The following VTCN1 variants were observed in gnomAD, a reference collection of about 807,000 sequenced individuals.
VTCN1 encodes the protein V-set domain containing T cell activation inhibitor 1.
VTCN1 carries 26 observed loss-of-function variants against 26.5 expected under a neutral mutation model. The ratio of observed to expected loss-of-function variants is 0.98; its 90% CI spans 0.72 to 1.36. The LOEUF is 1.36. Among genes scored for constraint, VTCN1 ranks in the 40% most tolerant of loss-of-function variants. The pLI, the probability that VTCN1 is intolerant of heterozygous loss-of-function variation, is 0.00. For synonymous variants in VTCN1, 116 were observed against 130.7 expected, an observed-to-expected ratio of 0.89 and a Z score of 0.77; for missense variants, 298 against 337.7, an observed-to-expected ratio of 0.88 and a Z score of 0.92.
At chr1:117,204,200 T>C (rs186392288) in intron 1 of VTCN1, among the ~76,000 whole-genome samples, 129 of 152,330 alleles carry the variant, frequency 8.5e-4, no homozygotes, top group Middle Eastern at 3.4e-3. Flanking sequence ...AATTAACACA[T>C]AAAGTGCTAA....
intron 1 of VTCN1, among the ~76,000 whole-genome samples, chr1:117,172,678 G>A (rs1179100271): frequency 1.3e-5 from 2 of 152,146 alleles, no homozygotes; most frequent in Non-Finnish European, 2.9e-5. Flanking sequence ...CTAACCCCAA[G>A]TACCTCAGAG....
chr1:117,160,230 A>T (rs1371010072), intron 2 of VTCN1, among the ~76,000 whole-genome samples: 1 of 152,174 alleles, frequency 6.6e-6, no homozygotes, highest in Non-Finnish European at 1.5e-5. Context: ...TGGGGTGTTC[A>T]GGTCTAGTTC....
rs1350760589 is a variant in VTCN1 at position 117,203,687 on chromosome 1, AAAG to A, written c.32+7134_32+7136del. 6.1e-6 allele frequency: 6 copies of A among 985,262 alleles called. No individual in the cohort carries two copies. In the African/African-American group the frequency reaches 1.0e-4, roughly 17 times the overall value. 61.0% of individuals were successfully genotyped at this position (985,262 alleles called of 1,614,324 possible). ...TCTGTGGCTCTTTAGCACATTTCTTAAAGAAGAATGTGGAATGATAAATGATCC... is the reference window on the plus strand; with the variant it reads ...TCTGTGGCTCTTTAGCACATTTCTTAAAGAATGTGGAATGATAAATGATCC... On this transcript the variant is annotated intron_variant, in intron 1 of 5. Transcript: ENST00000369458.
At chr1:117,166,501 T>C (rs1403140144) in intron 2 of VTCN1, among the ~76,000 whole-genome samples, 1 of 152,024 alleles carries the variant, frequency 6.6e-6, no homozygotes, top group Non-Finnish European at 1.5e-5. Flanking sequence ...ACACCTGTAA[T>C]CCCAGCACTT....
chr1:117,200,897 G>A (rs1009555692), intron 1 of VTCN1, among the ~76,000 whole-genome samples: 2 of 152,124 alleles, frequency 1.3e-5, no homozygotes, highest in Admixed American at 6.5e-5. Context: ...GACTATAGGC[G>A]TAATCCCAGC....
intron 1 of VTCN1, among the ~76,000 whole-genome samples, chr1:117,204,110 A>G (rs920830826): frequency 2.0e-5 from 3 of 152,174 alleles, no homozygotes; most frequent in South Asian, 2.1e-4. Flanking sequence ...TCCAGCTGCT[A>G]TTGTTGGACT....
intron 1 of VTCN1, among the ~76,000 whole-genome samples, chr1:117,200,883 C>T (rs1309815419): frequency 6.6e-6 from 1 of 152,142 alleles, no homozygotes; most frequent in Non-Finnish European, 1.5e-5. Flanking sequence ...TCCTGAGTAG[C>T]TGGGACTATA....
chr1:117,195,739 A>G (rs1245815068), intron 1 of VTCN1, among the ~76,000 whole-genome samples: 1 of 152,212 alleles, frequency 6.6e-6, no homozygotes, highest in Non-Finnish European at 1.5e-5. Flanking sequence ...TTGGCCACAT[A>G]TATCAGAAGG....
chr1:117,210,502 C>T (rs1649297994), intron 1 of VTCN1, among the ~76,000 whole-genome samples: 1 of 152,240 alleles, frequency 6.6e-6, no homozygotes, highest in African/African-American at 2.4e-5. Context: ...CCATGGTGCT[C>T]ACAGCCTTGA....
intron 1 of VTCN1, among the ~76,000 whole-genome samples, chr1:117,180,374 CA>C (rs1647616517): frequency 6.6e-6 from 1 of 152,164 alleles, no homozygotes; most frequent in African/African-American, 2.4e-5. Flanking sequence ...CAGAGCGAGA[CA>C]AAAGGCAATG....
At chr1:117,168,803 C>T (rs1175835307) in intron 2 of VTCN1, among the ~76,000 whole-genome samples, 1 of 151,772 alleles carries the variant, frequency 6.6e-6, no homozygotes, top group Non-Finnish European at 1.5e-5. Context: ...TTTTTGTTGC[C>T]CAGGTTGGTC....
At chr1:117,168,694 A>G (rs907397097) in intron 2 of VTCN1, among the ~76,000 whole-genome samples, 7 of 152,232 alleles carry the variant, frequency 4.6e-5, no homozygotes, top group Non-Finnish European at 7.3e-5. Context: ...CCTACAAATC[A>G]AAAAGAGAAA....
chr1:117,170,137 T>C lies in VTCN1; in HGVS notation c.67A>G (p.Ile23Val). The change falls in exon 2 of 6, where the codon ATT becomes GTT. Residue 23 changes from isoleucine to valine, a missense_variant. By Grantham distance (29) the Ile-to-Val change is conservative. Coordinates refer to ENST00000369458, the MANE Select transcript of VTCN1 (RefSeq NM_024626.4). ...ATACCAAAGCCAATGATGAGTGCAA[T>C]TGCTCCAGCCAGAATAATGATGATG... ...ISIIIILAGAIALIIGFGISG... is the reference protein window; with the variant it reads ...ISIIIILAGAVALIIGFGISG... The C allele has an allele frequency of 3.1e-6, 5 of 1,613,874 alleles. No individual in the cohort carries two copies. Among genetic ancestry groups the C allele is most frequent in the Non-Finnish European group, 4.2e-6 (5 of 1,179,930 alleles).
intron 2 of VTCN1, among the ~76,000 whole-genome samples, chr1:117,162,556 T>C (rs1652419683): frequency 6.6e-6 from 1 of 152,168 alleles, no homozygotes; most frequent in South Asian, 2.1e-4. Context: ...CAGGTACCTA[T>C]TGATAGAGAA....
chr1:117,170,702 A>T (rs768011894), intron 1 of VTCN1, among the ~76,000 whole-genome samples: 4 of 152,212 alleles, frequency 2.6e-5, no homozygotes, highest in South Asian at 2.1e-4. Context: ...GTTTTCTTTT[A>T]TTAAAAAAAC....
rs1386235762 is a variant in VTCN1, at chr1:117,144,991, C to T, written c.*280G>A. The stretch of plus-strand genomic sequence containing the variant: ...AGATCTGGGGATGCACTTGTCTCCA[C>T]GTGCATTTTACTTATCACTCTTAAC... On this transcript the variant is annotated 3_prime_UTR_variant, in exon 6 of 6. Coordinates refer to ENST00000369458, the MANE Select transcript of VTCN1 (RefSeq NM_024626.4). 2.0e-5 allele frequency: 3 copies of T among 152,638 alleles called. No individual in the cohort carries two copies. Among genetic ancestry groups the T allele is most frequent in the East Asian group, 1.9e-4 (1 of 5,200 alleles). The allele number at this position is 152,638 out of a possible 1,614,324, so 9.5% of individuals were successfully genotyped here.
intron 1 of VTCN1, among the ~76,000 whole-genome samples, chr1:117,181,162 G>A (rs1304172333): frequency 6.6e-6 from 1 of 151,474 alleles, no homozygotes; most frequent in African/African-American, 2.4e-5. Flanking sequence ...CATGCCTGTA[G>A]TCCTAACACT....
chr1:117,178,348 C>T (rs1167828775), intron 1 of VTCN1, among the ~76,000 whole-genome samples: 1 of 150,826 alleles, frequency 6.6e-6, no homozygotes, highest in Non-Finnish European at 1.5e-5. Flanking sequence ...CCTCCACCTC[C>T]TGAGTTCAAG....
chr1:117,149,423 T>C (rs1436163451), intron 4 of VTCN1, among the ~76,000 whole-genome samples: 1 of 152,170 alleles, frequency 6.6e-6, no homozygotes, highest in East Asian at 1.9e-4. Flanking sequence ...TTATTTTGTT[T>C]ATGCAACTTT....
Sources: allele counts gnomAD v4.1 joint callset (sites outside exome capture counted in the v4.1 genomes callset), GRCh38; gene constraint gnomAD v4.1.1; transcripts MANE v1.5; gene names NCBI Gene and HGNC (gene_info 2026-07-23, HGNC 2026-07-21).